The following TIAM2 variants were observed in gnomAD, a reference collection of about 807,000 sequenced individuals.
TIAM2 encodes the protein TIAM Rac1 associated GEF 2.
A neutral mutation model predicts 152.9 loss-of-function variants in TIAM2; 80 were observed. The observed-to-expected ratio is 0.52, with a 90% CI of 0.44 to 0.63. The LOEUF is 0.63. Among genes scored for constraint, TIAM2 ranks in the 30% least tolerant of loss-of-function variants. The probability of loss-of-function intolerance (pLI) is 0.00; values close to 1 mark genes in which losing one functional copy is unlikely to be tolerated. For missense variants in TIAM2, 1,965 were observed against 2,120.1 expected, an observed-to-expected ratio of 0.93 and a Z score of 1.44; for synonymous variants, 804 against 838.0, an observed-to-expected ratio of 0.96 and a Z score of 0.70.
intron 4 of TIAM2, among the ~76,000 whole-genome samples, chr6:155,135,036 T>TA (rs891438431): frequency 1.4e-4 from 21 of 148,694 alleles, no homozygotes; most frequent in African/African-American, 2.7e-4. Flanking sequence ...AATTGACAAT[T>TA]AAAAAAAAAA....
chr6:155,248,250 G>T, intron 20 of TIAM2, 71 bp downstream of exon 20: 1 of 1,511,674 alleles, frequency 6.6e-7, no homozygotes, highest in Non-Finnish European at 8.9e-7. Flanking sequence ...CGTGCCCTGG[G>T]CCTGACAGCT....
At chr6:155,118,174 C>T (rs1337402649) in intron 2 of TIAM2, among the ~76,000 whole-genome samples, 1 of 152,110 alleles carries the variant, frequency 6.6e-6, no homozygotes, top group Non-Finnish European at 1.5e-5. Flanking sequence ...GCTTCCCCTC[C>T]CTCAGCCTGC....
chr6:155,091,337 G>T (rs940864191), intron 2 of TIAM2, among the ~76,000 whole-genome samples: 1 of 152,174 alleles, frequency 6.6e-6, no homozygotes, highest in African/African-American at 2.4e-5. Flanking sequence ...CACAAGGGCA[G>T]GAACCTTCTC....
intron 14 of TIAM2, among the ~76,000 whole-genome samples, chr6:155,191,347 A>G (rs1339764957): frequency 6.6e-6 from 1 of 152,220 alleles, no homozygotes; most frequent in Non-Finnish European, 1.5e-5. Flanking sequence ...AAAGCACCAG[A>G]TACTGCCTGG....
intron 2 of TIAM2, among the ~76,000 whole-genome samples, chr6:155,110,321 T>TC (rs917592056): frequency 3.0e-4 from 45 of 148,928 alleles, no homozygotes; most frequent in South Asian, 1.3e-3. Context: ...TTCTTTTCTT[T>TC]TTTTTTTTGT....
chr6:155,058,663 T>C (rs6932153), intron 1 of TIAM2, among the ~76,000 whole-genome samples: 49,300 of 152,018 alleles, frequency 0.32, 8,225 homozygotes, highest in Non-Finnish European at 0.37. Context: ...AAACTGAGGC[T>C]CTGAATGATT....
rs374943144 is a variant in TIAM2, at chr6:155,129,880, C to T, written c.657C>T (p.Ser219=). 55 of 1,613,636 alleles carry T rather than the reference C, an allele frequency of 3.4e-5. No homozygotes were observed. The highest frequency in any genetic ancestry group is 8.3e-5 in the Admixed American group (5 of 60,000). The part of the protein sequence containing the change: ...SPVPEARRGS[S]ADSLPSHRPS... ...TGCCTGAAGCCAGGAGGGGGTCCAG[C>T]GCCGATTCCCTGCCCAGCCATCGCC... The change falls in exon 4 of 27, where the codon AGC becomes AGT. Residue 219 remains serine (S), a synonymous_variant. Coordinates refer to ENST00000682666, the MANE Select transcript of TIAM2 (RefSeq NM_012454.4). The surrounding 1 kb of genome is among the most constrained non-coding windows in gnomAD (Gnocchi z 4.8).
chr6:155,116,334 A>G (rs756443991), intron 2 of TIAM2, among the ~76,000 whole-genome samples: 41 of 152,296 alleles, frequency 2.7e-4, no homozygotes, highest in Non-Finnish European at 3.4e-4. Flanking sequence ...TGGTTAATTT[A>G]CCTGCAGCCC....
chr6:155,147,531 G>A (rs1431904239), intron 6 of TIAM2, among the ~76,000 whole-genome samples: 4 of 152,066 alleles, frequency 2.6e-5, no homozygotes. Flanking sequence ...TGTTACCCAG[G>A]CTGGAGTGCA....
chr6:155,127,214 G>A (rs532138406), intron 2 of TIAM2, among the ~76,000 whole-genome samples: 1 of 152,138 alleles, frequency 6.6e-6, no homozygotes, highest in Non-Finnish European at 1.5e-5. Context: ...GATGAGCCAC[G>A]CATGACTCAC....
chr6:155,246,113 A>G (rs1431951626), intron 19 of TIAM2, among the ~76,000 whole-genome samples: 1 of 151,560 alleles, frequency 6.6e-6, no homozygotes, highest in Non-Finnish European at 1.5e-5. Flanking sequence ...CTGAGGAGCC[A>G]CAACAGCCTA....
In TIAM2 at chr6:155,186,230, G is replaced by T. The variant is rs1334314893; in HGVS notation, c.3064+2730G>T. ...CAGACGTGGGTTCAGGTCCTGGGCT[G>T]CCCTATACTGGTTTTTTGACTCACC... On this transcript the variant is annotated intron_variant, in intron 14 of 26. Coordinates refer to ENST00000682666, the MANE Select transcript of TIAM2 (RefSeq NM_012454.4). This position sits in a 1 kb window ranked among gnomAD's most constrained non-coding sequence, Gnocchi z 4.5. 1.3e-5 allele frequency among the ~76,000 whole-genome samples: 2 copies of T among 152,222 alleles called. No homozygotes were observed. Among genetic ancestry groups the T allele is most frequent in the African/African-American group, 4.8e-5 (2 of 41,466 alleles).
At chr6:155,068,039 T>C (rs561559405) in intron 1 of TIAM2, among the ~76,000 whole-genome samples, 3 of 152,332 alleles carry the variant, frequency 2.0e-5, no homozygotes, top group South Asian at 4.1e-4. Flanking sequence ...AGGCTAAGAA[T>C]TGGGAGAAGG....
chr6:155,080,954 C>T (rs540365980), intron 1 of TIAM2, among the ~76,000 whole-genome samples: 39 of 152,274 alleles, frequency 2.6e-4, no homozygotes, highest in African/African-American at 8.9e-4. Flanking sequence ...CGATTCTTCT[C>T]TGGAGAGGTC....
At chr6:155,109,026 C>A (rs890073913) in intron 2 of TIAM2, among the ~76,000 whole-genome samples, 3 of 152,044 alleles carry the variant, frequency 2.0e-5, no homozygotes, top group African/African-American at 7.3e-5. Context: ...CTCTGTCGCC[C>A]AGGCTGGAGT....
chr6:155,102,187 A>C (rs1778566263), intron 2 of TIAM2, among the ~76,000 whole-genome samples: 1 of 148,952 alleles, frequency 6.7e-6, no homozygotes, highest in Non-Finnish European at 1.5e-5. Context: ...ATGGGGTATC[A>C]CTGTGTTGGC....
At chr6:155,088,403 G>A (rs1778221812) in intron 1 of TIAM2, among the ~76,000 whole-genome samples, 2 of 152,182 alleles carry the variant, frequency 1.3e-5, no homozygotes, top group Non-Finnish European at 2.9e-5. Context: ...TATTTCTATA[G>A]CATGAGTCAT....
chr6:155,155,915 C>A (rs1464254465), intron 7 of TIAM2, among the ~76,000 whole-genome samples: 2 of 152,196 alleles, frequency 1.3e-5, no homozygotes, highest in Non-Finnish European at 2.9e-5. Context: ...GACAGTGGCA[C>A]TGCTAGAGAG....
intron 1 of TIAM2, among the ~76,000 whole-genome samples, chr6:155,040,702 A>G (rs1008522735): frequency 6.6e-6 from 1 of 152,006 alleles, no homozygotes; most frequent in Non-Finnish European, 1.5e-5. Flanking sequence ...TATTTTCAGT[A>G]GAGATGGGGT....
Sources: gnomAD v4.1 joint callset for allele counts (sites outside exome capture counted in the v4.1 genomes callset) on GRCh38, gnomAD v4.1.1 for gene constraint, Gnocchi (gnomAD v3.1) non-coding constraint, MANE v1.5 for transcripts, NCBI Gene and HGNC (gene_info 2026-07-23, HGNC 2026-07-21) for gene names.